The following FSTL4 variants were observed in gnomAD, a reference collection of about 807,000 sequenced individuals.
The protein encoded by FSTL4 is follistatin like 4, also known as follistatin-related protein 4.
In FSTL4, 28 loss-of-function variants were observed where a neutral mutation model predicts 78.2. The ratio of observed to expected loss-of-function variants is 0.36; its 90% CI spans 0.27 to 0.49. The LOEUF (loss-of-function observed/expected upper bound fraction) is 0.49. Ranked by LOEUF, FSTL4 falls within the 20% of genes least tolerant of loss-of-function variation. FSTL4 has a pLI of 0.98. For synonymous variants in FSTL4, 422 were observed against 440.5 expected, an observed-to-expected ratio of 0.96 and a Z score of 0.53; for missense variants, 922 against 1,084.9, an observed-to-expected ratio of 0.85 and a Z score of 2.11.
chr5:133,225,068 G>A lies in FSTL4; in HGVS notation c.1312+82C>T. The A allele has an allele frequency of 6.7e-7, 1 of 1,502,330 alleles. No individual in the cohort carries two copies. Among genetic ancestry groups the A allele is most frequent in the Non-Finnish European group, 9.2e-7 (1 of 1,083,472 alleles). The allele number at this position is 1,502,330 out of a possible 1,614,324, so 93.1% of individuals were successfully genotyped here. A position where few individuals can be genotyped will look rare whatever the true frequency, so the allele number is the denominator to read the frequency against. On this transcript the variant is annotated intron_variant, in intron 10 of 15. Coordinates refer to ENST00000265342, the MANE Select transcript of FSTL4 (RefSeq NM_015082.2). The surrounding 1 kb of genome is among the most constrained non-coding windows in gnomAD (Gnocchi z 4.6). Reference sequence around the variant, plus strand: ...CACGGGCTCATGGTTGGCAGCTGTGGCCCTGGTCAATTGGTGCCCTCCCTT... The same window carrying A: ...CACGGGCTCATGGTTGGCAGCTGTGACCCTGGTCAATTGGTGCCCTCCCTT...
the FSTL4 span, among the ~76,000 whole-genome samples, chr5:133,630,550 T>C: frequency 6.6e-5 from 10 of 152,148 alleles, no homozygotes; most frequent in African/African-American, 2.4e-4. Context: ...ATCAATATCG[T>C]GAAAATGGCC....
At chr5:133,481,369 C>G (rs941474081) in intron 3 of FSTL4, among the ~76,000 whole-genome samples, 1 of 151,856 alleles carries the variant, frequency 6.6e-6, no homozygotes, top group African/African-American at 2.4e-5. Flanking sequence ...GGCAAAACAC[C>G]TATCTGTACT....
intron 3 of FSTL4, among the ~76,000 whole-genome samples, chr5:133,429,316 G>C (rs1756888792): frequency 6.6e-6 from 1 of 152,082 alleles, no homozygotes; most frequent in Admixed American, 6.5e-5. Flanking sequence ...GCCAAGTTCT[G>C]CTTAAAGTGC....
intron 3 of FSTL4, among the ~76,000 whole-genome samples, chr5:133,554,070 G>C (rs564021090): frequency 1.2e-4 from 18 of 152,202 alleles, no homozygotes; most frequent in Non-Finnish European, 2.5e-4. Context: ...GACCCTGTGG[G>C]GCCTTTGATC....
chr5:133,404,553 C>T (rs550263713), intron 3 of FSTL4, among the ~76,000 whole-genome samples: 11 of 152,244 alleles, frequency 7.2e-5, no homozygotes, highest in South Asian at 6.2e-4. Flanking sequence ...AACATTATGG[C>T]GGCAGGAGAA....
chr5:133,446,028 GTGAT>G (rs1447329747), intron 3 of FSTL4, among the ~76,000 whole-genome samples: 3 of 152,204 alleles, frequency 2.0e-5, no homozygotes, highest in Non-Finnish European at 4.4e-5. Context: ...ATTTCCCCAA[GTGAT>G]TGATTGTAGG....
At chr5:133,482,833 A>C (rs2112859985) in intron 3 of FSTL4, among the ~76,000 whole-genome samples, 1 of 152,110 alleles carries the variant, frequency 6.6e-6, no homozygotes, top group Non-Finnish European at 1.5e-5. Flanking sequence ...GAAGCTCTGC[A>C]TTTCCTGGGA....
At chr5:133,771,408 GTC>G in the FSTL4 span, among the ~76,000 whole-genome samples, 2 of 152,014 alleles carry the variant, frequency 1.3e-5, no homozygotes, top group Non-Finnish European at 2.9e-5. Flanking sequence ...GTGTTTTGTA[GTC>G]CTCCTTATAG....
At chr5:133,507,396 C>T (rs1255149500) in intron 3 of FSTL4, among the ~76,000 whole-genome samples, 2 of 152,162 alleles carry the variant, frequency 1.3e-5, no homozygotes, top group African/African-American at 4.8e-5. Flanking sequence ...TGCTTTGGAA[C>T]TAGCTCAGAA....
the FSTL4 span, among the ~76,000 whole-genome samples, chr5:133,658,184 A>G: frequency 3.3e-5 from 5 of 152,174 alleles, no homozygotes; most frequent in Non-Finnish European, 4.4e-5. Context: ...AGCTAATACC[A>G]TATTTAGGAT....
chr5:133,830,745 C>T, the FSTL4 span, among the ~76,000 whole-genome samples: 1 of 152,186 alleles, frequency 6.6e-6, no homozygotes, highest in Non-Finnish European at 1.5e-5. Context: ...TTAGGGGAGT[C>T]CTCGTCAATT....
chr5:133,315,475 C>T (rs1195427442), intron 5 of FSTL4, among the ~76,000 whole-genome samples: 1 of 152,262 alleles, frequency 6.6e-6, no homozygotes, highest in Non-Finnish European at 1.5e-5. Flanking sequence ...CCCCACCCCA[C>T]TTCTTCCCAA....
chr5:133,438,354 T>C (rs1757080062), intron 3 of FSTL4, among the ~76,000 whole-genome samples: 1 of 152,238 alleles, frequency 6.6e-6, no homozygotes, highest in Non-Finnish European at 1.5e-5. Flanking sequence ...AGAATGCTAG[T>C]AGAGTTTTTT....
the FSTL4 span, among the ~76,000 whole-genome samples, chr5:133,741,210 A>C: frequency 6.6e-6 from 1 of 152,194 alleles, no homozygotes; most frequent in African/African-American, 2.4e-5. Flanking sequence ...TATTCCCGGA[A>C]GCAGAACCTA....
At chr5:133,263,624 A>G (rs901617258) in intron 6 of FSTL4, among the ~76,000 whole-genome samples, 9 of 152,182 alleles carry the variant, frequency 5.9e-5, no homozygotes, top group Admixed American at 5.9e-4. Context: ...AATGGGTTGG[A>G]CAGAGAACGG....
At chr5:133,729,877 C>T in the FSTL4 span, among the ~76,000 whole-genome samples, 4 of 152,016 alleles carry the variant, frequency 2.6e-5, no homozygotes, top group Non-Finnish European at 5.9e-5. Flanking sequence ...TTGAGAGGAA[C>T]GAGTCTCTCA....
At chr5:133,486,902 C>G (rs1456744457) in intron 3 of FSTL4, among the ~76,000 whole-genome samples, 6 of 152,204 alleles carry the variant, frequency 3.9e-5, no homozygotes, top group African/African-American at 1.4e-4. Context: ...GAGAGGATAA[C>G]TTGCTCAAAG....
intron 3 of FSTL4, among the ~76,000 whole-genome samples, chr5:133,445,384 G>C (rs1439820951): frequency 6.6e-6 from 1 of 152,146 alleles, no homozygotes; most frequent in African/African-American, 2.4e-5. Context: ...ACAGGCCGGG[G>C]AGTGCTCCCT....
chr5:133,661,150 CT>C, the FSTL4 span, among the ~76,000 whole-genome samples: 8 of 152,110 alleles, frequency 5.3e-5, no homozygotes, highest in Non-Finnish European at 4.4e-5. Context: ...GCCATCATGC[CT>C]GGCTAATTTT....
Sources: gnomAD v4.1 joint callset for allele counts (sites outside exome capture counted in the v4.1 genomes callset) on GRCh38, gnomAD v4.1.1 for gene constraint, Gnocchi (gnomAD v3.1) non-coding constraint, MANE v1.5 for transcripts, NCBI Gene and HGNC (gene_info 2026-07-23, HGNC 2026-07-21) for gene names.